GCC2: variants seen among roughly 807,000 people sequenced by gnomAD.
The protein encoded by GCC2 is GRIP and coiled-coil domain containing 2.
GCC2 carries 120 observed loss-of-function variants against 210.6 expected under a neutral mutation model. The ratio of observed to expected loss-of-function variants is 0.57; its 90% CI spans 0.49 to 0.66. The LOEUF (loss-of-function observed/expected upper bound fraction) is 0.66. Among genes scored for constraint, GCC2 ranks in the 30% least tolerant of loss-of-function variants. The probability of loss-of-function intolerance (pLI) is 0.00; values close to 1 mark genes in which losing one functional copy is unlikely to be tolerated. For synonymous variants in GCC2, 703 were observed against 652.7 expected (o/e 1.08, Z -1.17); for missense variants, 1,868 against 1,871.9 (o/e 1.00, Z 0.04).
rs572731262 is a variant in GCC2, at chr2:108,505,210, C to G, written c.4985-2350C>G. ...GCTTACACCATTCATTTCAGGGGAACATACAACAGTCTGCATTTCAGTTTA... is the reference window on the plus strand; with the variant it reads ...GCTTACACCATTCATTTCAGGGGAAGATACAACAGTCTGCATTTCAGTTTA... On this transcript the variant is annotated intron_variant, in intron 22 of 22. Transcript: ENST00000309863. 7.2e-4 allele frequency among the ~76,000 whole-genome samples: 109 copies of G among 152,348 alleles called. 1 individual carries two copies. Among genetic ancestry groups the G allele is most frequent in the African/African-American group, 2.4e-3 (100 of 41,576 alleles).
chr2:108,505,286 C>T (rs1373659259), intron 22 of GCC2, among the ~76,000 whole-genome samples: 5 of 152,208 alleles, frequency 3.3e-5, no homozygotes, highest in Admixed American at 1.3e-4. Context: ...AACAAGGTTA[C>T]CTCACTTGAA....
chr2:108,459,245 G>T lies in GCC2; in HGVS notation c.216+6779G>T, dbSNP rs80290084. Among the ~76,000 whole-genome samples, 796 of 152,170 alleles carry T rather than the reference G, an allele frequency of 5.2e-3. 11 individuals carry two copies. Among genetic ancestry groups the T allele is most frequent in the African/African-American group, 0.018 (762 of 41,522 alleles). Reference sequence around the variant, plus strand: ...ATTTTAATTTCCTTATTGACCCATGGTCATTTGAGACCATGTTATTTAATT... The same window carrying T: ...ATTTTAATTTCCTTATTGACCCATGTTCATTTGAGACCATGTTATTTAATT... On this transcript the variant is annotated intron_variant, in intron 4 of 22. Coordinates refer to ENST00000309863, the MANE Select transcript of GCC2 (RefSeq NM_181453.4).
In GCC2 at chr2:108,504,487, TA is replaced by T. The variant is rs1334660372; in HGVS notation, c.4985-3070del. Among the ~76,000 whole-genome samples the T allele has an allele frequency of 7.9e-5, 12 of 152,274 alleles. No homozygotes were observed. The East Asian group carries it at 2.1e-3, about 27-fold the overall frequency. On this transcript the variant is annotated intron_variant, in intron 22 of 22. Transcript: ENST00000309863. ...CGTGTTACAACTCTGCGTTATAAGG[TA>T]AAGTGACTTAGAGTGTAACAGTAGT...
In GCC2 at chr2:108,471,982, G is replaced by A; in HGVS notation, c.2653G>A (p.Val885Ile). The A allele has an allele frequency of 6.2e-7, 1 of 1,603,236 alleles. No homozygotes were observed. The highest frequency in any genetic ancestry group is 1.1e-5 in the South Asian group (1 of 87,862). ...NQNLLIQVEE[V>I]SQTCSKSEIH... ...GAATCTTTTAATTCAAGTTGAAGAA[G>A]TATCTCAAACATGTAGCAAAAGTGA... Residue 885 changes from valine to isoleucine, a missense_variant, in exon 6 of 23, where the codon GTA becomes ATA. Physicochemically the swap from Val to Ile is conservative, Grantham distance 29. Coordinates refer to ENST00000309863, the MANE Select transcript of GCC2 (RefSeq NM_181453.4).
intron 2 of GCC2, 84 bp from the exon 3 acceptor site, chr2:108,450,944 G>A: frequency 1.2e-6 from 1 of 845,652 alleles, no homozygotes; most frequent in Non-Finnish European, 1.9e-6. Flanking sequence ...GAATGTTTTT[G>A]TTTTCTAGCA....
At chr2:108,452,687 CTTT>C (rs1558725330) in intron 4 of GCC2, among the ~76,000 whole-genome samples, 2 of 122,998 alleles carry the variant, frequency 1.6e-5, no homozygotes, top group Non-Finnish European at 3.3e-5. Flanking sequence ...TTTCTTTTTT[CTTT>C]CTTTTTTTTT....
intron 4 of GCC2, among the ~76,000 whole-genome samples, chr2:108,464,543 G>A (rs1169470903): frequency 2.0e-5 from 3 of 152,222 alleles, no homozygotes; most frequent in Admixed American, 1.3e-4. Context: ...CTATGGCTAG[G>A]ATTGTAGAAG....
intron 4 of GCC2, 123 bp downstream of exon 4, chr2:108,452,589 C>T: frequency 1.5e-6 from 1 of 666,352 alleles, no homozygotes; most frequent in Non-Finnish European, 2.7e-6. Flanking sequence ...TTGTTTTTAC[C>T]TATCTGATTC....
rs142334581 is a variant in GCC2 at position 108,468,999 on chromosome 2, A to G, written c.236A>G (p.Asp79Gly). Residue 79 changes from aspartate to glycine, a missense_variant, in exon 5 of 23, where the codon GAT becomes GGT. By Grantham distance (94) the Asp-to-Gly change is moderately conservative. This residue lies in a region of GCC2 where 1,847 missense variants were observed against 1,765.2 expected (regional missense o/e 1.05). Transcript: ENST00000309863. ...DIIKALTERL[D>G]ALLLEKAETE... ...AAATAGGCATTAACTGAACGTCTGG[A>G]TGCTCTTCTTCTGGAAAAAGCAGAG... 6.2e-4 allele frequency: 995 copies of G among 1,611,556 alleles called. 1 individual carries two copies. Among genetic ancestry groups the G allele is most frequent in the Non-Finnish European group, 7.5e-4 (880 of 1,177,862 alleles).
At chr2:108,451,841 CTT>C (rs367697586) in intron 3 of GCC2, among the ~76,000 whole-genome samples, 104 of 124,884 alleles carry the variant, frequency 8.3e-4, no homozygotes, top group Middle Eastern at 4.1e-3. Context: ...CTCTCTCTCT[CTT>C]TTTTTTTTTT....
intron 4 of GCC2, among the ~76,000 whole-genome samples, chr2:108,459,591 C>T (rs899811874): frequency 7.3e-5 from 11 of 151,592 alleles, no homozygotes; most frequent in African/African-American, 2.4e-4. Flanking sequence ...TGAGTTTGCC[C>T]AGTACGATTG....
At position 108,508,312 on chromosome 2, in the gene GCC2, C is replaced by T. The variant is rs1180866908; in HGVS notation, c.*682C>T. ...AAGGGGCTATGAAGTAAATATGCTG[C>T]AGTTAATTATGCTAAGTTAAAATAC... is the stretch of plus-strand genomic sequence containing the variant. On this transcript the variant is annotated 3_prime_UTR_variant, in exon 23 of 23. Coordinates refer to ENST00000309863, the MANE Select transcript of GCC2 (RefSeq NM_181453.4). The T allele has an allele frequency of 1.4e-5, 2 of 141,068 alleles. No homozygotes were observed. The highest frequency in any genetic ancestry group is 5.1e-5 in the African/African-American group (2 of 39,426). 8.7% of individuals were successfully genotyped at this position (141,068 alleles called of 1,614,324 possible).
chr2:108,490,729 G>A (rs1434415029), intron 18 of GCC2, among the ~76,000 whole-genome samples: 1 of 152,196 alleles, frequency 6.6e-6, no homozygotes, highest in African/African-American at 2.4e-5. Flanking sequence ...AAGTTTCAGG[G>A]AAGATGTACC....
chr2:108,459,018 A>C (rs924311715), intron 4 of GCC2, among the ~76,000 whole-genome samples: 2 of 151,926 alleles, frequency 1.3e-5, no homozygotes, highest in African/African-American at 4.8e-5. Flanking sequence ...AGATTGTTTG[A>C]AATCTTTTTA....
Position 108,484,560 on chromosome 2 carries a change from C to T in GCC2, c.3613+249C>T, listed in dbSNP as rs531298572. 1.3e-4 allele frequency: 24 copies of T among 188,232 alleles called. No homozygotes were observed. The South Asian group carries it at 3.1e-3, about 24-fold the overall frequency. The allele number at this position is 188,232 out of a possible 1,614,324, so 11.7% of individuals were successfully genotyped here. A position where few individuals can be genotyped will look rare whatever the true frequency, so the allele number is the denominator to read the frequency against. Reference sequence around the variant, plus strand: ...AGGGTTTTTATGGTTTTAGGTCTAACGTTTAAATCTTTAATCCATCTTGAA... The same window carrying T: ...AGGGTTTTTATGGTTTTAGGTCTAATGTTTAAATCTTTAATCCATCTTGAA... On this transcript the variant is annotated intron_variant, in intron 13 of 22. Coordinates refer to ENST00000309863, the MANE Select transcript of GCC2 (RefSeq NM_181453.4).
intron 3 of GCC2, among the ~76,000 whole-genome samples, chr2:108,451,606 CT>C (rs71707293): frequency 0.37 from 54,843 of 149,372 alleles, 11,670 homozygotes; most frequent in East Asian, 0.88. Context: ...ATCTTAGCAC[CT>C]TTTTTTTTTA....
chr2:108,469,619 A>G, intron 5 of GCC2, 32 bp from the exon 6 acceptor site: 1 of 1,494,536 alleles, frequency 6.7e-7, no homozygotes. Context: ...GTCTTACTTA[A>G]ATAATTTATG....
intron 18 of GCC2, among the ~76,000 whole-genome samples, chr2:108,490,349 A>G (rs1187703526): frequency 6.6e-6 from 1 of 152,236 alleles, no homozygotes; most frequent in Non-Finnish European, 1.5e-5. Context: ...TTTCTAGAAG[A>G]AAACACCCAA....
At chr2:108,485,114 T>C (rs1026510113) in intron 13 of GCC2, among the ~76,000 whole-genome samples, 4 of 148,472 alleles carry the variant, frequency 2.7e-5, no homozygotes, top group African/African-American at 1.0e-4. Flanking sequence ...AGGTGGGAAC[T>C]GAACAGTGAG....
Sources: gnomAD v4.1 joint callset for allele counts (sites outside exome capture counted in the v4.1 genomes callset) on GRCh38, gnomAD v4.1.1 for gene constraint, gnomAD v4.1.1 regional missense constraint, MANE v1.5 for transcripts, NCBI Gene and HGNC (gene_info 2026-07-23, HGNC 2026-07-21) for gene names.